RBFOX1: variants seen among roughly 807,000 people sequenced by gnomAD.
The protein encoded by RBFOX1 is RNA binding fox-1 homolog 1.
In RBFOX1, 8 loss-of-function variants were observed where a neutral mutation model predicts 57.7. The observed-to-expected ratio is 0.14, with a 90% CI of 0.08 to 0.25. The LOEUF is 0.25. RBFOX1 is among the 10% of genes least tolerant of loss of function. The pLI, the probability that RBFOX1 is intolerant of heterozygous loss-of-function variation, is 1.00. For missense variants in RBFOX1, 611 were observed against 548.5 expected, an observed-to-expected ratio of 1.11 and a Z score of -1.14; for synonymous variants, 326 against 222.4, an observed-to-expected ratio of 1.47 and a Z score of -4.15.
intron 4 of RBFOX1, among the ~76,000 whole-genome samples, chr16:7,428,262 G>T (rs1268772679): frequency 6.7e-6 from 1 of 150,192 alleles, no homozygotes; most frequent in East Asian, 2.0e-4. Context: ...CGTCACTGCA[G>T]TCAACTTTTT....
intron 3 of RBFOX1, among the ~76,000 whole-genome samples, chr16:6,869,883 C>T (rs748362831): frequency 6.6e-6 from 1 of 152,154 alleles, no homozygotes; most frequent in East Asian, 1.9e-4. Flanking sequence ...ACGTATATGT[C>T]TCCCCGCAGT....
Position 7,547,642 on chromosome 16 carries a change from C to A in RBFOX1, c.270+29253C>A, listed in dbSNP as rs868124046. The stretch of plus-strand genomic sequence containing the variant: ...GAGGCAGGCATGACAAATAGCTGCA[C>A]CATTAAAAGGCATGTGCATTTGCAA... On this transcript the variant is annotated intron_variant, in intron 5 of 15. Transcript: ENST00000550418. 1.3e-5 allele frequency among the ~76,000 whole-genome samples: 2 copies of A among 152,160 alleles called. 1 individual carries two copies.
At chr16:5,916,067 A>G (rs571368714) in intron 4 of RBFOX1, among the ~76,000 whole-genome samples, 4 of 152,122 alleles carry the variant, frequency 2.6e-5, no homozygotes, top group Non-Finnish European at 5.9e-5. Flanking sequence ...GATTGTGCAG[A>G]TTCCTACAGA....
chr16:6,541,495 ACAGTGTCACAT>A (rs1316986522), intron 2 of RBFOX1, among the ~76,000 whole-genome samples: 1 of 152,208 alleles, frequency 6.6e-6, no homozygotes, highest in African/African-American at 2.4e-5. Context: ...AAAGATGACA[ACAGTGTCACAT>A]CAGGGTGACG....
intron 1 of RBFOX1, among the ~76,000 whole-genome samples, chr16:6,235,533 CTG>C (rs902380041): frequency 1.5e-4 from 22 of 145,876 alleles, no homozygotes; most frequent in Admixed American, 3.5e-4. Context: ...GATAAAGAAA[CTG>C]TGGTGTGTGT....
At chr16:6,373,345 C>T (rs575604572) in intron 2 of RBFOX1, among the ~76,000 whole-genome samples, 7 of 141,174 alleles carry the variant, frequency 5.0e-5, no homozygotes, top group African/African-American at 1.1e-4. Context: ...AATGGAGATT[C>T]GGCGGAAGAG....
chr16:6,677,443 C>A (rs1235965932), intron 3 of RBFOX1, among the ~76,000 whole-genome samples: 1 of 152,004 alleles, frequency 6.6e-6, no homozygotes, highest in Non-Finnish European at 1.5e-5. Context: ...GACTTATTGC[C>A]CCTAAAAGGC....
chr16:7,115,973 A>T (rs998970875), intron 4 of RBFOX1, among the ~76,000 whole-genome samples: 5 of 152,196 alleles, frequency 3.3e-5, no homozygotes, highest in African/African-American at 1.2e-4. Context: ...AAGGGTAAGG[A>T]TAATGAAAGC....
chr16:5,325,121 C>T lies in RBFOX1; in HGVS notation c.219+85016C>T, dbSNP rs145075451. On this transcript the variant is annotated intron_variant, in intron 1 of 2. Coordinates refer to the RBFOX1 transcript ENST00000585867. ...AACAGGTGGTTTACACACTCACTGA[C>T]GCTTAAGAAGCGCTGCTCTACAACA... Among the ~76,000 whole-genome samples, 879 of 152,258 alleles carry T rather than the reference C, an allele frequency of 5.8e-3. 6 individuals are homozygous for T. Among genetic ancestry groups the T allele is most frequent in the African/African-American group, 0.02 (843 of 41,552 alleles).
intron 4 of RBFOX1, among the ~76,000 whole-genome samples, chr16:7,438,642 C>G (rs991808045): frequency 3.9e-5 from 6 of 152,196 alleles, no homozygotes; most frequent in African/African-American, 1.4e-4. Context: ...CTAATGCATT[C>G]TCTTACTGAA....
chr16:7,281,402 C>G (rs1294067536), intron 4 of RBFOX1, among the ~76,000 whole-genome samples: 1 of 151,908 alleles, frequency 6.6e-6, no homozygotes, highest in Non-Finnish European at 1.5e-5. Context: ...AGCCAGGTGA[C>G]TTTGTGCAAA....
At chr16:5,891,041 C>G (rs1431272885) in intron 4 of RBFOX1, among the ~76,000 whole-genome samples, 1 of 152,148 alleles carries the variant, frequency 6.6e-6, no homozygotes, top group Non-Finnish European at 1.5e-5. Flanking sequence ...GCGTGCAAAT[C>G]CCTTAGCACA....
chr16:6,963,179 A>T (rs909805357), intron 3 of RBFOX1, among the ~76,000 whole-genome samples: 1 of 151,430 alleles, frequency 6.6e-6, no homozygotes, highest in Admixed American at 6.6e-5. Context: ...TAGCACTGCT[A>T]TTTTTTTTCG....
At chr16:6,016,300 A>G (rs142764471), upstream of RBFOX1, among the ~76,000 whole-genome samples, 374 of 152,274 alleles carry the variant, frequency 2.5e-3, 1 homozygote, top group African/African-American at 7.3e-3. Context: ...GCAGGGAGAA[A>G]GTGATATTGA....
chr16:6,335,776 CAAA>C (rs57151962), intron 2 of RBFOX1, among the ~76,000 whole-genome samples: 1 of 50,948 alleles, frequency 2.0e-5, no homozygotes. Flanking sequence ...AGACTGTCTC[CAAA>C]AAAAAAAAAA....
chr16:5,713,712 C>T (rs1037345013), intron 3 of RBFOX1, among the ~76,000 whole-genome samples: 12 of 152,144 alleles, frequency 7.9e-5, no homozygotes, highest in Admixed American at 3.9e-4. Context: ...GGTGTCTGGA[C>T]GCACAAAGTG....
chr16:6,366,476 C>G (rs899202170), intron 2 of RBFOX1, among the ~76,000 whole-genome samples: 4 of 152,024 alleles, frequency 2.6e-5, no homozygotes, highest in Non-Finnish European at 5.9e-5. Flanking sequence ...CAGAATAAGC[C>G]AAAATATAAG....
At chr16:7,132,827 C>T (rs141147060) in intron 4 of RBFOX1, among the ~76,000 whole-genome samples, 9 of 152,112 alleles carry the variant, frequency 5.9e-5, no homozygotes, top group South Asian at 4.2e-4. Context: ...AAAAAAGATA[C>T]ATCTTTCAGT....
intron 4 of RBFOX1, among the ~76,000 whole-genome samples, chr16:7,448,421 T>G (rs936920395): frequency 6.6e-6 from 1 of 152,078 alleles, no homozygotes; most frequent in Non-Finnish European, 1.5e-5. Flanking sequence ...GCAAAGGAGG[T>G]GCAAAGACAC....
Sources: allele counts gnomAD v4.1 joint callset (sites outside exome capture counted in the v4.1 genomes callset), GRCh38; gene constraint gnomAD v4.1.1; transcripts MANE v1.5; gene names NCBI Gene and HGNC (gene_info 2026-07-23, HGNC 2026-07-21).